Variants in ZNF385D observed in about 807,000 individuals in gnomAD.
The protein encoded by ZNF385D is zinc finger protein 659.
Under a neutral mutation model 35.8 loss-of-function variants are expected in ZNF385D, and 15 were observed. The observed-to-expected ratio is 0.42, with a 90% CI of 0.28 to 0.64. The LOEUF is 0.64. Among genes scored for constraint, ZNF385D ranks in the 30% least tolerant of loss-of-function variants. The pLI, the probability that ZNF385D is intolerant of heterozygous loss-of-function variation, is 0.23. For missense variants in ZNF385D, 474 were observed against 494.6 expected (o/e 0.96, Z 0.39); for synonymous variants, 212 against 186.8 (o/e 1.13, Z -1.10).
chr3:21,635,757 T>C (rs1213211245), intron 2 of ZNF385D, among the ~76,000 whole-genome samples: 1 of 152,150 alleles, frequency 6.6e-6, no homozygotes, highest in African/African-American at 2.4e-5. Context: ...ATCATTCTTA[T>C]GCCTTTACAT....
At position 21,745,134 on chromosome 3, in the gene ZNF385D, A is replaced by AG. The variant is rs546655693; in HGVS notation, c.22+5760dup. ...CTACCAACCCCATTCCTGCCCCCAT[A>AG]GCACCCATCTTCCTGTGGGGCAGAC... On this transcript the variant is annotated intron_variant, in intron 1 of 7. Transcript: ENST00000281523. 6.5e-4 allele frequency among the ~76,000 whole-genome samples: 99 copies of AG among 152,306 alleles called. 1 individual carries two copies. Among genetic ancestry groups the AG allele is most frequent in the African/African-American group, 2.2e-3 (91 of 41,554 alleles).
chr3:22,016,170 A>C (rs1052158343), intron 3 of ZNF385D, among the ~76,000 whole-genome samples: 1 of 152,094 alleles, frequency 6.6e-6, no homozygotes, highest in Non-Finnish European at 1.5e-5. Context: ...CCCAACCAGC[A>C]GTGATTTTTC....
At position 22,102,909 on chromosome 3, in the gene ZNF385D, C is replaced by CAAAA. The variant is rs757822283; in HGVS notation, c.325+65907_325+65908insTTTT. Reference sequence around the variant, plus strand: ...GAATTTATCAGGGAAAAAAAAAAACCAACAAGTTCTCACGTATGTCCCTCA... The same window carrying CAAAA: ...GAATTTATCAGGGAAAAAAAAAAACCAAAAAACAAGTTCTCACGTATGTCCCTCA... On this transcript the variant is annotated intron_variant, in intron 3 of 5. Transcript: ENST00000494108. Among the ~76,000 whole-genome samples, 273 of 143,234 alleles carry CAAAA rather than the reference C, an allele frequency of 1.9e-3. 3 individuals are homozygous for CAAAA. Among genetic ancestry groups the CAAAA allele is most frequent in the African/African-American group, 5.4e-3 (212 of 39,096 alleles). The allele number at this position is 143,234 out of a possible 152,430, so 94.0% of individuals were successfully genotyped here. A position where few individuals can be genotyped will look rare whatever the true frequency, so the allele number is the denominator to read the frequency against.
chr3:21,631,240 T>C (rs999356590), intron 2 of ZNF385D, among the ~76,000 whole-genome samples: 6 of 152,098 alleles, frequency 3.9e-5, no homozygotes, highest in Non-Finnish European at 7.4e-5. Context: ...CTCACCTGTT[T>C]CCTTGCAGAC....
At chr3:21,572,477 A>C (rs1028580161) in intron 2 of ZNF385D, among the ~76,000 whole-genome samples, 7 of 152,182 alleles carry the variant, frequency 4.6e-5, no homozygotes, top group African/African-American at 1.7e-4. Flanking sequence ...GTACCTTGAC[A>C]TGCTGGGTAC....
At chr3:21,730,194 A>G (rs13099784) in intron 1 of ZNF385D, among the ~76,000 whole-genome samples, 25,556 of 152,194 alleles carry the variant, frequency 0.17, 2,620 homozygotes, top group Admixed American at 0.31. Flanking sequence ...ACCACAGAGC[A>G]TAGGATCAAA....
intron 2 of ZNF385D, among the ~76,000 whole-genome samples, chr3:22,332,137 G>C (rs1251592905): frequency 1.3e-5 from 2 of 152,138 alleles, no homozygotes; most frequent in African/African-American, 2.4e-5. Flanking sequence ...CCATTATTAA[G>C]AGGAGGCCTA....
At chr3:21,899,776 T>G (rs1009481159) in intron 3 of ZNF385D, among the ~76,000 whole-genome samples, 1 of 152,172 alleles carries the variant, frequency 6.6e-6, no homozygotes, top group Non-Finnish European at 1.5e-5. Flanking sequence ...TAAAGTTTTA[T>G]TGCTTTATAT....
chr3:21,430,385 G>A (rs1325880433), intron 5 of ZNF385D, among the ~76,000 whole-genome samples: 2 of 152,114 alleles, frequency 1.3e-5, no homozygotes, highest in African/African-American at 4.8e-5. Context: ...GAAAAAATAA[G>A]CATGCTTTTT....
chr3:21,833,372 C>T (rs762394047), intron 3 of ZNF385D, among the ~76,000 whole-genome samples: 10 of 152,148 alleles, frequency 6.6e-5, no homozygotes, highest in Non-Finnish European at 8.8e-5. Flanking sequence ...GGTTACCCTG[C>T]ATTATCCAGA....
At chr3:22,003,826 C>G (rs1696018017) in intron 3 of ZNF385D, among the ~76,000 whole-genome samples, 1 of 151,312 alleles carries the variant, frequency 6.6e-6, no homozygotes, top group Non-Finnish European at 1.5e-5. Context: ...AAGATTGCAC[C>G]ACTGCACTCC....
At chr3:21,827,872 G>T (rs904312494) in intron 3 of ZNF385D, among the ~76,000 whole-genome samples, 6 of 152,188 alleles carry the variant, frequency 3.9e-5, no homozygotes, top group Admixed American at 2.6e-4. Flanking sequence ...TGCTGAATTT[G>T]TAGCATATGT....
At chr3:21,461,751 T>G (rs1168595638) in intron 4 of ZNF385D, among the ~76,000 whole-genome samples, 1 of 152,232 alleles carries the variant, frequency 6.6e-6, no homozygotes, top group Non-Finnish European at 1.5e-5. Flanking sequence ...TCATACACTA[T>G]CAACTTGTAG....
At chr3:21,425,412 T>G in intron 6 of ZNF385D, 80 bp downstream of exon 6, 4 of 1,392,564 alleles carry the variant, frequency 2.9e-6, no homozygotes, top group Non-Finnish European at 2.9e-6. Context: ...AAGACAGAAA[T>G]AAAAAGGAAG....
chr3:21,823,169 C>T (rs961195899), intron 3 of ZNF385D, among the ~76,000 whole-genome samples: 2 of 151,912 alleles, frequency 1.3e-5, no homozygotes, highest in Admixed American at 6.6e-5. Flanking sequence ...TAATGATATG[C>T]TCCATAAAAA....
At chr3:21,695,916 T>C (rs1482201204) in intron 1 of ZNF385D, among the ~76,000 whole-genome samples, 1 of 152,184 alleles carries the variant, frequency 6.6e-6, no homozygotes, top group Non-Finnish European at 1.5e-5. Flanking sequence ...ATTATAAAGA[T>C]AATTGCCATT....
At chr3:22,120,378 C>T (rs1406610074) in intron 3 of ZNF385D, among the ~76,000 whole-genome samples, 1 of 152,108 alleles carries the variant, frequency 6.6e-6, no homozygotes, top group Non-Finnish European at 1.5e-5. Context: ...GCATCCCTTC[C>T]TCTTCTTATG....
chr3:21,592,875 G>A (rs6776795), intron 2 of ZNF385D, among the ~76,000 whole-genome samples: 72,814 of 152,058 alleles, frequency 0.48, 17,540 homozygotes, highest in African/African-American at 0.53. Context: ...AAATCAAATG[G>A]AAAGGTGGTG....
chr3:21,487,219 T>C (rs953410168), intron 4 of ZNF385D, among the ~76,000 whole-genome samples: 3 of 152,142 alleles, frequency 2.0e-5, no homozygotes, highest in Non-Finnish European at 4.4e-5. Flanking sequence ...ATGCCTCCAG[T>C]GTTTTTTCTA....
Sources: gnomAD v4.1 joint callset for allele counts (sites outside exome capture counted in the v4.1 genomes callset) on GRCh38, gnomAD v4.1.1 for gene constraint, MANE v1.5 for transcripts, NCBI Gene and HGNC (gene_info 2026-07-23, HGNC 2026-07-21) for gene names.